FRMD4B: variants seen among roughly 807,000 people sequenced by gnomAD.
FRMD4B encodes the protein FERM domain-containing protein 4B.
Under a neutral mutation model 141.5 loss-of-function variants are expected in FRMD4B, and 74 were observed. The observed-to-expected ratio is 0.52, with a 90% CI of 0.43 to 0.63. The LOEUF (loss-of-function observed/expected upper bound fraction) is 0.63. Among genes scored for constraint, FRMD4B ranks in the 30% least tolerant of loss-of-function variants. The pLI, the probability that FRMD4B is intolerant of heterozygous loss-of-function variation, is 0.00. For missense variants in FRMD4B, 1,366 were observed against 1,253.4 expected, an observed-to-expected ratio of 1.09 and a Z score of -1.36; for synonymous variants, 506 against 467.9, an observed-to-expected ratio of 1.08 and a Z score of -1.05.
At chr3:69,192,385 AAAAC>A (rs763095163) in intron 17 of FRMD4B, among the ~76,000 whole-genome samples, 14 of 152,204 alleles carry the variant, frequency 9.2e-5, no homozygotes, top group Non-Finnish European at 1.6e-4. Flanking sequence ...CAAAAAGACA[AAAAC>A]AAAAAAAGAC....
chr3:69,313,078 G>A (rs1701656768), intron 2 of FRMD4B, among the ~76,000 whole-genome samples: 1 of 152,178 alleles, frequency 6.6e-6, no homozygotes, highest in Non-Finnish European at 1.5e-5. Context: ...GTGGCAGACA[G>A]ATTCTCACCT....
chr3:69,398,953 A>G (rs1046781993), intron 2 of FRMD4B, among the ~76,000 whole-genome samples: 2 of 152,228 alleles, frequency 1.3e-5, no homozygotes, highest in African/African-American at 4.8e-5. Context: ...AAATGGCAAT[A>G]CAATGACAGC....
intron 17 of FRMD4B, 38 bp from the exon 18 acceptor site, chr3:69,189,990 A>G: frequency 8.3e-7 from 1 of 1,201,244 alleles, no homozygotes; most frequent in South Asian, 1.3e-5. Flanking sequence ...ACAATTGTGC[A>G]TTTATACAAT....
chr3:69,328,485 A>G (rs2107318877), intron 1 of FRMD4B, among the ~76,000 whole-genome samples: 1 of 152,302 alleles, frequency 6.6e-6, no homozygotes, highest in East Asian at 1.9e-4. Context: ...GGACCTGGGT[A>G]AAATAAGGCT....
chr3:69,350,304 C>T (rs1319859713), intron 1 of FRMD4B, among the ~76,000 whole-genome samples: 1 of 152,076 alleles, frequency 6.6e-6, no homozygotes, highest in Non-Finnish European at 1.5e-5. Context: ...GAATGGCGAT[C>T]ATTAAAAAGT....
chr3:69,484,166 T>C (rs939871788), intron 1 of FRMD4B, among the ~76,000 whole-genome samples: 6 of 152,220 alleles, frequency 3.9e-5, no homozygotes, highest in Non-Finnish European at 7.3e-5. Context: ...TCTTAGTGCA[T>C]TTATTTAGTA....
intron 1 of FRMD4B, among the ~76,000 whole-genome samples, chr3:69,509,127 T>C (rs1242827319): frequency 6.6e-6 from 1 of 152,156 alleles, no homozygotes; most frequent in African/African-American, 2.4e-5. Flanking sequence ...TTGTTCTACA[T>C]TTGAGCAGCC....
chr3:69,250,055 C>A lies in FRMD4B; in HGVS notation c.546G>T (p.Ala182=). Residue 182 remains alanine (A), a synonymous_variant, in exon 6 of 23, where the codon GCG becomes GCT. Transcript: ENST00000398540. ...TGTCCAATCTTACCTGTAAAATAAA[C>A]GCTGCTAACTTGAAGATGGTTTCGC... ...VESETIFKLA[A]FILQEAKGDY... is the part of the protein sequence containing the mutation. 6.2e-7 allele frequency: 1 copy of A among 1,609,132 alleles called. No homozygotes were observed. Among genetic ancestry groups the A allele is most frequent in the South Asian group, 1.1e-5 (1 of 90,994 alleles).
chr3:69,200,571 T>A, intron 11 of FRMD4B: 1 of 1,143,444 alleles, frequency 8.7e-7, no homozygotes, highest in Non-Finnish European at 1.1e-6. Flanking sequence ...CTCCCACGGC[T>A]GACACACTAC....
chr3:69,349,873 A>G (rs188381364), intron 1 of FRMD4B, among the ~76,000 whole-genome samples: 6,503 of 152,200 alleles, frequency 0.043, 286 homozygotes, highest in African/African-American at 0.11. Context: ...TAAAAACCCT[A>G]GAAGAAAACC....
At chr3:69,246,636 C>A (rs2093427702) in intron 7 of FRMD4B, among the ~76,000 whole-genome samples, 1 of 152,138 alleles carries the variant, frequency 6.6e-6, no homozygotes, top group South Asian at 2.1e-4. Context: ...TTTTGATTAA[C>A]CCCAATTTAC....
At chr3:69,442,043 G>A (rs1331500495) in intron 1 of FRMD4B, among the ~76,000 whole-genome samples, 3 of 151,520 alleles carry the variant, frequency 2.0e-5, no homozygotes, top group Admixed American at 6.6e-5. Context: ...CAAATCTCCA[G>A]CTATCTAATC....
At chr3:69,242,995 A>G (rs1029862980) in intron 7 of FRMD4B, among the ~76,000 whole-genome samples, 41 of 15,544 alleles carry the variant, frequency 2.6e-3, no homozygotes, top group African/African-American at 4.1e-3. Context: ...ACTCTGTCTC[A>G]AAAAAAAAAA....
intron 1 of FRMD4B, among the ~76,000 whole-genome samples, chr3:69,487,799 C>G (rs1398010027): frequency 1.3e-5 from 2 of 152,144 alleles, no homozygotes; most frequent in East Asian, 3.8e-4. Context: ...AGAGGATTCA[C>G]GGAGAGAGGA....
chr3:69,237,139 G>C (rs2093350146), intron 7 of FRMD4B, among the ~76,000 whole-genome samples: 1 of 151,866 alleles, frequency 6.6e-6, no homozygotes, highest in East Asian at 2.0e-4. Flanking sequence ...AAGGACCAGA[G>C]GTTTGTTCTC....
intron 22 of FRMD4B, 70 bp downstream of exon 22, chr3:69,176,454 G>A: frequency 1.5e-6 from 2 of 1,336,490 alleles, no homozygotes; most frequent in East Asian, 2.3e-5. Flanking sequence ...TCTGACGTTT[G>A]TAAATTAGGA....
At chr3:69,245,834 GTTTTTT>G (rs1183774603) in intron 7 of FRMD4B, among the ~76,000 whole-genome samples, 16 of 78,358 alleles carry the variant, frequency 2.0e-4, no homozygotes. Context: ...AGGCTAATTT[GTTTTTT>G]TTTTTTTTTT....
chr3:69,333,768 C>T (rs1575739909), intron 1 of FRMD4B, among the ~76,000 whole-genome samples: 1 of 152,094 alleles, frequency 6.6e-6, no homozygotes, highest in African/African-American at 2.4e-5. Flanking sequence ...TGTTTGCTTT[C>T]CAGTGAATGA....
At chr3:69,220,787 G>A (rs1163394785) in intron 9 of FRMD4B, among the ~76,000 whole-genome samples, 1 of 152,150 alleles carries the variant, frequency 6.6e-6, no homozygotes, top group Non-Finnish European at 1.5e-5. Context: ...CCAGGAGGTG[G>A]CAATTGCAGT....
Sources: gnomAD v4.1 joint callset for allele counts (sites outside exome capture counted in the v4.1 genomes callset) on GRCh38, gnomAD v4.1.1 for gene constraint, MANE v1.5 for transcripts, NCBI Gene and HGNC (gene_info 2026-07-23, HGNC 2026-07-21) for gene names.